Variants in LSS observed in about 807,000 individuals in gnomAD.
LSS encodes 2,3-epoxysqualene-lanosterol cyclase.
Under a neutral mutation model 110.3 loss-of-function variants are expected in LSS, and 90 were observed. That is an observed-to-expected ratio of 0.82 (90% CI 0.69 to 0.97). The LOEUF (loss-of-function observed/expected upper bound fraction) is 0.97, where lower values mean the gene tolerates loss of function less well. Ranked by LOEUF, LSS falls within the 50% of genes least tolerant of loss-of-function variation. The probability of loss-of-function intolerance (pLI) is 0.00; values close to 1 mark genes in which losing one functional copy is unlikely to be tolerated. For missense variants in LSS, 927 were observed against 990.0 expected, an observed-to-expected ratio of 0.94 and a Z score of 0.85; for synonymous variants, 433 against 400.0, an observed-to-expected ratio of 1.08 and a Z score of -0.98.
chr21:46,195,074 C>T (rs2079891173), intron 19 of LSS, among the ~76,000 whole-genome samples: 1 of 152,140 alleles, frequency 6.6e-6, no homozygotes, highest in East Asian at 1.9e-4. Flanking sequence ...CGGCTGGAGA[C>T]ACGGCTGGGA....
chr21:46,200,043 G>A (rs1378767389), intron 17 of LSS, among the ~76,000 whole-genome samples: 1 of 152,154 alleles, frequency 6.6e-6, no homozygotes, highest in Non-Finnish European at 1.5e-5. Context: ...GGCTTTATGG[G>A]AACACTGCAT....
intron 20 of LSS, chr21:46,192,900 CAT>C (rs1490920095): frequency 6.9e-6 from 3 of 437,726 alleles, no homozygotes; most frequent in East Asian, 7.3e-5. Context: ...TGCATGTGTA[CAT>C]GTGTGCATAG....
At chr21:46,219,427 C>T (rs776379674) in intron 6 of LSS, 49 bp downstream of exon 6, 7 of 1,406,920 alleles carry the variant, frequency 5.0e-6, no homozygotes, top group Non-Finnish European at 6.8e-6. Context: ...TCACTCTACT[C>T]CCCGGGACAG....
At chr21:46,202,170 G>A (rs1423133675) in intron 17 of LSS, among the ~76,000 whole-genome samples, 19 of 140,810 alleles carry the variant, frequency 1.3e-4, no homozygotes, top group East Asian at 2.2e-4. Context: ...CGAGGCGGGC[G>A]GATCACGAGG....
intron 6 of LSS, among the ~76,000 whole-genome samples, chr21:46,217,892 C>T (rs561228458): frequency 3.3e-5 from 5 of 152,338 alleles, no homozygotes; most frequent in Admixed American, 1.3e-4. Flanking sequence ...ATGTGCTCTA[C>T]GGCCCGCCTC....
intron 8 of LSS, among the ~76,000 whole-genome samples, 155 bp downstream of exon 8, chr21:46,215,530 A>G (rs1290911201): frequency 1.3e-5 from 2 of 152,006 alleles, no homozygotes; most frequent in Admixed American, 6.5e-5. Flanking sequence ...GCTGGTTCTC[A>G]GGGTGGAGGG....
At chr21:46,227,441 T>G in intron 3 of LSS, 111 bp downstream of exon 3, 14 of 1,372,796 alleles carry the variant, frequency 1.0e-5, no homozygotes, top group Non-Finnish European at 9.9e-6. Context: ...CCTTTTCTTG[T>G]GAGCCCCTGG....
chr21:46,215,111 C>A, intron 9 of LSS, 69 bp downstream of exon 9: 1 of 1,320,838 alleles, frequency 7.6e-7, no homozygotes, highest in Non-Finnish European at 1.1e-6. Context: ...CACAGCCCGG[C>A]CTCTAGGACT....
In LSS at chr21:46,196,242, A is replaced by G. The variant is rs768872751; in HGVS notation, c.1696T>C (p.Phe566Leu). 1.2e-6 allele frequency: 2 copies of G among 1,613,920 alleles called. No individual in the cohort carries two copies. The highest frequency in any genetic ancestry group is 1.7e-6 in the Non-Finnish European group (2 of 1,180,038). Reference sequence around the variant, plus strand: ...TCGGCCCTCTGCTGCCGCCGACAGAACTCTAAGCCCTGCGTGAGGGTCTCC... The same window carrying G: ...TCGGCCCTCTGCTGCCGCCGACAGAGCTCTAAGCCCTGCGTGAGGGTCTCC... ...IRETLTQGLE[F>L]CRRQQRADGS... The change falls in exon 18 of 22, where the codon TTC (phenylalanine) becomes CTC (leucine). Residue 566 changes from phenylalanine to leucine, a missense_variant. By Grantham distance (22) the Phe-to-Leu change is conservative. Transcript: ENST00000397728.
At chr21:46,218,375 G>A (rs541680657) in intron 6 of LSS, among the ~76,000 whole-genome samples, 4 of 152,116 alleles carry the variant, frequency 2.6e-5, no homozygotes, top group African/African-American at 9.7e-5. Context: ...ATGGCTCCCA[G>A]CACTTTGGGA....
rs1433071012 is a variant in LSS, at chr21:46,222,746, G to A, written c.320-8C>T. 6.2e-7 allele frequency: 1 copy of A among 1,608,804 alleles called. No homozygotes were observed. The highest frequency in any genetic ancestry group is 8.5e-7 in the Non-Finnish European group (1 of 1,175,972). ...GGCAAGTGATCAGGAGGCCTGTGTG[G>A]CAGGAGAGATGTTCCTCACTGGGGA... On this transcript the variant is annotated splice_polypyrimidine_tract_variant and splice_region_variant and intron_variant, in intron 3 of 21. Transcript: ENST00000397728.
At chr21:46,224,684 G>T (rs1174549256) in intron 3 of LSS, 1 of 152,232 alleles carries the variant, frequency 6.6e-6, no homozygotes, top group East Asian at 1.9e-4. Context: ...GTAAATGGTG[G>T]GGCTAGGAGG....
intron 19 of LSS, among the ~76,000 whole-genome samples, chr21:46,195,411 A>G (rs1261389163): frequency 6.6e-6 from 1 of 152,214 alleles, no homozygotes; most frequent in Non-Finnish European, 1.5e-5. Flanking sequence ...ATCTCTACAT[A>G]AAAGTTTTAA....
At chr21:46,212,691 G>A (rs1248698640) in intron 11 of LSS, among the ~76,000 whole-genome samples, 1 of 152,206 alleles carries the variant, frequency 6.6e-6, no homozygotes, top group Non-Finnish European at 1.5e-5. Flanking sequence ...GCATGGAGGA[G>A]AAGCCCCCAC....
At chr21:46,213,629 C>A in intron 10 of LSS, 109 bp downstream of exon 10, 1 of 813,280 alleles carries the variant, frequency 1.2e-6, no homozygotes, top group Non-Finnish European at 2.1e-6. Flanking sequence ...GAGGTATTCC[C>A]TGGCAGTATT....
chr21:46,210,033 C>T (rs574607371), intron 12 of LSS, among the ~76,000 whole-genome samples: 33 of 150,138 alleles, frequency 2.2e-4, no homozygotes, highest in African/African-American at 6.9e-4. Flanking sequence ...AGTACTGGCT[C>T]GAGAATGCCC....
At chr21:46,217,257 A>G (rs1471108382) in intron 6 of LSS, among the ~76,000 whole-genome samples, 11 of 67,308 alleles carry the variant, frequency 1.6e-4, no homozygotes, top group Admixed American at 8.9e-4. Context: ...AAAAAAAAAA[A>G]GAAAAGAAAA....
intron 16 of LSS, 121 bp downstream of exon 16, chr21:46,206,551 C>T: frequency 1.2e-6 from 1 of 801,610 alleles, no homozygotes; most frequent in East Asian, 2.5e-5. Flanking sequence ...CCAGACAGAT[C>T]TGCCGGTGAA....
chr21:46,217,703 G>GC (rs944498555), intron 6 of LSS, among the ~76,000 whole-genome samples: 8 of 152,118 alleles, frequency 5.3e-5, no homozygotes, highest in African/African-American at 1.7e-4. Flanking sequence ...CTGACCGACG[G>GC]CCCCCCCAAG....
Sources: gnomAD v4.1 joint callset for allele counts (sites outside exome capture counted in the v4.1 genomes callset) on GRCh38, gnomAD v4.1.1 for gene constraint, MANE v1.5 for transcripts, NCBI Gene and HGNC (gene_info 2026-07-23, HGNC 2026-07-21) for gene names.